Variants in DGKB observed in about 807,000 individuals in gnomAD.
DGKB encodes diacylglycerol kinase beta.
In DGKB, 67 loss-of-function variants were observed where a neutral mutation model predicts 114.3. The ratio of observed to expected loss-of-function variants is 0.59; its 90% confidence interval spans 0.48 to 0.72. The LOEUF (loss-of-function observed/expected upper bound fraction) is 0.72, where lower values mean the gene tolerates loss of function less well. Ranked by LOEUF, DGKB falls within the 30% of genes least tolerant of loss-of-function variation. DGKB has a pLI of 0.00. For missense variants in DGKB, 907 were observed against 975.2 expected (o/e 0.93, Z 0.93); for synonymous variants, 398 against 323.1 (o/e 1.23, Z -2.49).
chr7:14,786,746 C>T (rs912032228), intron 2 of DGKB, among the ~76,000 whole-genome samples: 2 of 145,858 alleles, frequency 1.4e-5, no homozygotes, highest in Admixed American at 1.3e-4. Context: ...ACACATCAGC[C>T]CCCTGTCACC....
chr7:14,926,740 A>C (rs1204889256), intron 1 of DGKB, among the ~76,000 whole-genome samples: 3 of 151,960 alleles, frequency 2.0e-5, no homozygotes, highest in Admixed American at 6.6e-5. Context: ...AACATGTAAT[A>C]TCTCTGAAAG....
intron 1 of DGKB, among the ~76,000 whole-genome samples, chr7:14,914,769 T>G (rs1422165380): frequency 6.6e-6 from 1 of 151,640 alleles, no homozygotes; most frequent in Admixed American, 6.6e-5. Flanking sequence ...TAGACAACAT[T>G]CAAGAACAGA....
At chr7:14,595,556 G>A (rs1802437547) in intron 17 of DGKB, among the ~76,000 whole-genome samples, 1 of 150,778 alleles carries the variant, frequency 6.6e-6, no homozygotes, top group African/African-American at 2.4e-5. Context: ...GAAAAAATAT[G>A]CAAAATAAAT....
chr7:14,827,079 G>T (rs2128113687), intron 2 of DGKB, among the ~76,000 whole-genome samples: 1 of 152,104 alleles, frequency 6.6e-6, no homozygotes, highest in South Asian at 2.1e-4. Context: ...GACTAAGAAT[G>T]GTCTACAAGA....
chr7:14,497,408 G>C (rs1403426253), intron 20 of DGKB, among the ~76,000 whole-genome samples: 1 of 151,828 alleles, frequency 6.6e-6, no homozygotes, highest in East Asian at 1.9e-4. Flanking sequence ...GGTTTCTACA[G>C]TAGCCCTCTA....
At chr7:14,961,022 G>A (rs887356294) in intron 1 of DGKB, among the ~76,000 whole-genome samples, 2 of 151,856 alleles carry the variant, frequency 1.3e-5, no homozygotes, top group African/African-American at 2.4e-5. Flanking sequence ...TTCCCTAAAG[G>A]CTCACTAAAA....
At chr7:14,162,269 C>G (rs146444795) in intron 25 of DGKB, among the ~76,000 whole-genome samples, 2 of 152,172 alleles carry the variant, frequency 1.3e-5, no homozygotes, top group African/African-American at 4.8e-5. Context: ...AGCAATCAAA[C>G]CTGTGCATTA....
intron 21 of DGKB, among the ~76,000 whole-genome samples, chr7:14,416,475 C>T (rs531507592): frequency 1.7e-4 from 26 of 152,138 alleles, no homozygotes; most frequent in Non-Finnish European, 3.2e-4. Context: ...AGTCCTGGTA[C>T]GGTTTGGCTG....
intron 23 of DGKB, among the ~76,000 whole-genome samples, chr7:14,231,014 T>C (rs941596132): frequency 1.3e-5 from 2 of 152,094 alleles, no homozygotes; most frequent in African/African-American, 4.8e-5. Context: ...GCTAAGTCCC[T>C]AAGTCTCTGT....
intron 21 of DGKB, among the ~76,000 whole-genome samples, chr7:14,468,376 A>C (rs894272498): frequency 6.6e-6 from 1 of 152,132 alleles, no homozygotes; most frequent in African/African-American, 2.4e-5. Context: ...CCTAGGTGGC[A>C]GGGCTGAACA....
chr7:14,775,822 G>C (rs1402136662), intron 2 of DGKB, among the ~76,000 whole-genome samples: 1 of 151,984 alleles, frequency 6.6e-6, no homozygotes, highest in Non-Finnish European at 1.5e-5. Context: ...TGTGAGAATG[G>C]ACTAAAACAG....
At chr7:14,897,350 A>C (rs1489258424) in intron 1 of DGKB, among the ~76,000 whole-genome samples, 1 of 151,922 alleles carries the variant, frequency 6.6e-6, no homozygotes, top group African/African-American at 2.4e-5. Flanking sequence ...ATCAACCATC[A>C]CTTTACTCTT....
intron 23 of DGKB, among the ~76,000 whole-genome samples, chr7:14,300,162 C>T (rs768374434): frequency 7.9e-5 from 12 of 152,208 alleles, no homozygotes; most frequent in South Asian, 2.1e-4. Flanking sequence ...TCAAATCCTA[C>T]GTTACATAAA....
intron 1 of DGKB, among the ~76,000 whole-genome samples, chr7:14,842,276 C>T (rs537458752): frequency 9.2e-5 from 14 of 152,300 alleles, no homozygotes; most frequent in Non-Finnish European, 1.8e-4. Flanking sequence ...AGACAAGACT[C>T]ATTTGGTCTT....
In DGKB at chr7:14,328,136, C is replaced by T. The variant is rs556008747; in HGVS notation, c.2122+10379G>A. 2.6e-5 allele frequency among the ~76,000 whole-genome samples: 4 copies of T among 152,156 alleles called. No individual in the cohort carries two copies. In the East Asian group the frequency reaches 7.7e-4, roughly 29 times the overall value. ...CTCTTACTATTCTTCTAACAGGATA[C>T]TCTGAAAATTTGAATATCATAGACT... On this transcript the variant is annotated intron_variant, in intron 23 of 25. Coordinates refer to ENST00000402815, the MANE Select transcript of DGKB (RefSeq NM_001350709.2).
chr7:14,275,131 T>C (rs1425473985), intron 23 of DGKB, among the ~76,000 whole-genome samples: 1 of 152,228 alleles, frequency 6.6e-6, no homozygotes, highest in Non-Finnish European at 1.5e-5. Context: ...TCACAGTTTT[T>C]ATGTTACCAT....
chr7:14,788,826 G>A (rs1294863148), intron 2 of DGKB, among the ~76,000 whole-genome samples: 1 of 152,028 alleles, frequency 6.6e-6, no homozygotes, highest in Non-Finnish European at 1.5e-5. Flanking sequence ...CCTTCCCAAT[G>A]GCAGTCAGTT....
intron 21 of DGKB, among the ~76,000 whole-genome samples, chr7:14,360,992 A>T (rs987308535): frequency 5.3e-5 from 8 of 152,034 alleles, no homozygotes; most frequent in Admixed American, 6.6e-5. Context: ...AAAAATCGAG[A>T]AAAAAATTAC....
intron 23 of DGKB, among the ~76,000 whole-genome samples, chr7:14,206,222 A>G (rs577977430): frequency 6.6e-6 from 1 of 152,164 alleles, no homozygotes; most frequent in African/African-American, 2.4e-5. Context: ...GTTGAAAAAC[A>G]TGATAGGGGT....
Sources: gnomAD v4.1 joint callset for allele counts (sites outside exome capture counted in the v4.1 genomes callset) on GRCh38, gnomAD v4.1.1 for gene constraint, MANE v1.5 for transcripts, NCBI Gene and HGNC (gene_info 2026-07-23, HGNC 2026-07-21) for gene names.